The following KIAA1549L variants were observed in gnomAD, a reference collection of about 807,000 sequenced individuals.
KIAA1549L encodes KIAA1549 like.
Under a neutral mutation model 160.7 loss-of-function variants are expected in KIAA1549L, and 88 were observed. The ratio of observed to expected loss-of-function variants is 0.55; its 90% confidence interval spans 0.46 to 0.65. KIAA1549L has a LOEUF of 0.65. Ranked by LOEUF, KIAA1549L falls within the 30% of genes least tolerant of loss-of-function variation. KIAA1549L has a pLI of 0.00. For missense variants in KIAA1549L, 2,258 were observed against 2,437.5 expected (o/e 0.93, Z 1.55); for synonymous variants, 950 against 976.7 (o/e 0.97, Z 0.51).
chr11:33,433,134 T>C (rs61877874), intron 1 of KIAA1549L, among the ~76,000 whole-genome samples: 1 of 152,126 alleles, frequency 6.6e-6, no homozygotes, highest in African/African-American at 2.4e-5. Context: ...TATCATCTGA[T>C]CATCAGAGTG....
intron 13 of KIAA1549L, among the ~76,000 whole-genome samples, chr11:33,605,428 T>C (rs1378257393): frequency 6.6e-6 from 1 of 152,144 alleles, no homozygotes; most frequent in Non-Finnish European, 1.5e-5. Context: ...ATGCATCTGG[T>C]AACACATTCA....
intron 1 of KIAA1549L, among the ~76,000 whole-genome samples, chr11:33,465,439 AG>A (rs1019963976): frequency 5.3e-5 from 8 of 152,050 alleles, no homozygotes; most frequent in African/African-American, 1.7e-4. Flanking sequence ...GGCTCCACTG[AG>A]GGTTCTCATC....
At chr11:33,627,344 C>T (rs1564930543) in intron 16 of KIAA1549L, among the ~76,000 whole-genome samples, 2 of 150,346 alleles carry the variant, frequency 1.3e-5, no homozygotes, top group Admixed American at 6.6e-5. Context: ...ACCAGTTCCT[C>T]CTTGTACCTC....
At chr11:33,417,783 T>G (rs753824074) in intron 1 of KIAA1549L, among the ~76,000 whole-genome samples, 1 of 152,140 alleles carries the variant, frequency 6.6e-6, no homozygotes, top group Non-Finnish European at 1.5e-5. Context: ...GTCGTTTTGT[T>G]TTTTGTTTCT....
intron 1 of KIAA1549L, among the ~76,000 whole-genome samples, chr11:33,477,599 GC>G (rs1248237392): frequency 6.6e-6 from 1 of 150,924 alleles, no homozygotes; most frequent in Non-Finnish European, 1.5e-5. Flanking sequence ...CACTTTTCCA[GC>G]CTTGTTAAGG....
Position 33,544,275 on chromosome 11 carries a change from T to C in KIAA1549L, c.2712T>C (p.Ser904=), listed in dbSNP as rs1445344011. The change falls in exon 2 of 21, where the codon AGT becomes AGC. Residue 904 remains serine (S), a synonymous_variant. Coordinates refer to ENST00000658780, the MANE Select transcript of KIAA1549L (RefSeq NM_012194.3). ...HSAAESSIST[S]VFPRTSSRVL... is the part of the protein sequence containing the mutation. The stretch of plus-strand genomic sequence containing the variant: ...CTGCTGAATCTTCTATATCGACCAG[T>C]GTCTTTCCCAGGACCTCCTCCAGAG... 1.2e-6 allele frequency: 2 copies of C among 1,613,856 alleles called. No individual in the cohort carries two copies. The highest frequency in any genetic ancestry group is 1.3e-5 in the African/African-American group (1 of 74,922).
At chr11:33,487,834 AG>A (rs1480050135) in intron 1 of KIAA1549L, among the ~76,000 whole-genome samples, 4 of 152,188 alleles carry the variant, frequency 2.6e-5, no homozygotes, top group African/African-American at 9.7e-5. Flanking sequence ...ACAGTTGATC[AG>A]GATTGGTTGG....
intron 15 of KIAA1549L, among the ~76,000 whole-genome samples, chr11:33,613,907 G>A (rs1372394886): frequency 2.0e-5 from 3 of 152,138 alleles, no homozygotes; most frequent in Non-Finnish European, 2.9e-5. Flanking sequence ...GAGACACAAA[G>A]TACATAACAT....
intron 1 of KIAA1549L, among the ~76,000 whole-genome samples, chr11:33,480,046 G>T (rs1852375995): frequency 6.7e-6 from 1 of 149,988 alleles, no homozygotes; most frequent in Non-Finnish European, 1.5e-5. Flanking sequence ...ATTAATGATT[G>T]TGTGTGTGTG....
chr11:33,465,356 A>C (rs539792835), intron 1 of KIAA1549L, among the ~76,000 whole-genome samples: 1 of 152,078 alleles, frequency 6.6e-6, no homozygotes, highest in Non-Finnish European at 1.5e-5. Flanking sequence ...GCCCGGCCCC[A>C]GGGGACCTTC....
At chr11:33,641,386 A>G (rs1418154509) in intron 16 of KIAA1549L, among the ~76,000 whole-genome samples, 1 of 151,964 alleles carries the variant, frequency 6.6e-6, no homozygotes, top group Non-Finnish European at 1.5e-5. Context: ...TATTAAACAA[A>G]TGCTGATGTG....
intron 10 of KIAA1549L, among the ~76,000 whole-genome samples, chr11:33,577,511 A>T (rs954510464): frequency 2.0e-5 from 3 of 152,176 alleles, no homozygotes; most frequent in African/African-American, 7.2e-5. Flanking sequence ...GCACGGGTGA[A>T]GGGGTCCGCA....
At chr11:33,609,709 A>C in intron 14 of KIAA1549L, 40 bp from the exon 15 acceptor site, 1 of 1,518,468 alleles carries the variant, frequency 6.6e-7, no homozygotes, top group South Asian at 1.2e-5. Flanking sequence ...TGCCGGCCCC[A>C]CTGGGTCAGG....
intron 1 of KIAA1549L, among the ~76,000 whole-genome samples, chr11:33,431,799 G>T (rs111691678): frequency 0.18 from 27,316 of 152,204 alleles, 3,140 homozygotes; most frequent in African/African-American, 0.33. Flanking sequence ...GCAGGGGGCG[G>T]TGCTCATCGG....
At chr11:33,440,974 G>T (rs548119497) in intron 1 of KIAA1549L, among the ~76,000 whole-genome samples, 130 of 152,020 alleles carry the variant, frequency 8.6e-4, no homozygotes, top group Non-Finnish European at 1.6e-3. Flanking sequence ...CAACGTGCAG[G>T]TTTGTTACAT....
At chr11:33,555,081 A>G (rs968438647) in intron 6 of KIAA1549L, among the ~76,000 whole-genome samples, 3 of 143,356 alleles carry the variant, frequency 2.1e-5, no homozygotes, top group African/African-American at 8.0e-5. Flanking sequence ...TCTTAAGTAT[A>G]CATCAAGAAT....
intron 6 of KIAA1549L, among the ~76,000 whole-genome samples, chr11:33,557,518 A>G (rs1212774630): frequency 6.6e-6 from 1 of 152,182 alleles, no homozygotes; most frequent in Admixed American, 6.5e-5. Context: ...ATACTTCCAT[A>G]GAAGAGAGTC....
At chr11:33,403,267 A>ATAGACACATG (rs1850546869) in intron 1 of KIAA1549L, 1 of 49,776 alleles carries the variant, frequency 2.0e-5, no homozygotes, top group Non-Finnish European at 4.4e-5. Context: ...ACAGACACAG[A>ATAGACACATG]CACACACAGA....
chr11:33,438,314 T>C (rs1362790541), intron 1 of KIAA1549L, among the ~76,000 whole-genome samples: 10 of 152,216 alleles, frequency 6.6e-5, no homozygotes, highest in African/African-American at 2.4e-4. Context: ...AGACACATAC[T>C]TGATGTCCCA....
Sources: gnomAD v4.1 joint callset for allele counts (sites outside exome capture counted in the v4.1 genomes callset) on GRCh38, gnomAD v4.1.1 for gene constraint, MANE v1.5 for transcripts, NCBI Gene and HGNC (gene_info 2026-07-23, HGNC 2026-07-21) for gene names.